Variants in SYNDIG1L observed in about 807,000 individuals in gnomAD.
SYNDIG1L encodes synapse differentiation inducing 1 like, also known as synapse differentiation-inducing gene protein 1-like.
SYNDIG1L carries 13 observed loss-of-function variants against 20.1 expected under a neutral mutation model. The ratio of observed to expected loss-of-function variants is 0.65; its 90% CI spans 0.42 to 1.03. The LOEUF (loss-of-function observed/expected upper bound fraction) is 1.03, where lower values mean the gene tolerates loss of function less well. Among genes scored for constraint, SYNDIG1L ranks in the 50% least tolerant of loss-of-function variants. The pLI, the probability that SYNDIG1L is intolerant of heterozygous loss-of-function variation, is 0.00. For missense variants in SYNDIG1L, 294 were observed against 305.1 expected (o/e 0.96, Z 0.27); for synonymous variants, 128 against 129.3 (o/e 0.99, Z 0.07).
chr14:74,406,073 A>G lies in SYNDIG1L; in HGVS notation c.*1462T>C. On this transcript the variant is annotated 3_prime_UTR_variant, in exon 4 of 4. Transcript: ENST00000331628. ...CTCTGGATGGGGCATGGGAATGACC[A>G]GGTTCCCACATCATGCACAGCAGGG... 2 of 398,684 alleles carry G rather than the reference A, an allele frequency of 5.0e-6. No homozygotes were observed. Among genetic ancestry groups the G allele is most frequent in the Non-Finnish European group, 8.8e-6 (2 of 226,110 alleles). 24.7% of individuals were successfully genotyped at this position (398,684 alleles called of 1,614,324 possible). A position where few individuals can be genotyped will look rare whatever the true frequency, so the allele number is the denominator to read the frequency against.
intron 1 of SYNDIG1L, among the ~76,000 whole-genome samples, chr14:74,416,537 G>A (rs956520445): frequency 9.8e-5 from 15 of 152,294 alleles, no homozygotes; most frequent in Middle Eastern, 6.8e-3. Context: ...GGGAGGCCGA[G>A]GCGGGAGGAT....
intron 1 of SYNDIG1L, among the ~76,000 whole-genome samples, chr14:74,415,686 T>C (rs1229186634): frequency 6.6e-6 from 1 of 152,036 alleles, no homozygotes; most frequent in South Asian, 2.1e-4. Context: ...ACTATAGGCA[T>C]GTACCACCAC....
chr14:74,438,925 C>T, the SYNDIG1L span, among the ~76,000 whole-genome samples: 1 of 152,032 alleles, frequency 6.6e-6, no homozygotes, highest in Non-Finnish European at 1.5e-5. Flanking sequence ...CCAGCCTGGC[C>T]AATATCATGA....
chr14:74,429,367 G>T (rs113179974), upstream of SYNDIG1L, among the ~76,000 whole-genome samples: 4 of 152,202 alleles, frequency 2.6e-5, no homozygotes, highest in African/African-American at 9.7e-5. Flanking sequence ...AGTCAGCTCC[G>T]GCTGCTAATC....
At chr14:74,464,725 C>T in the SYNDIG1L span, among the ~76,000 whole-genome samples, 19 of 152,106 alleles carry the variant, frequency 1.2e-4, no homozygotes, top group Admixed American at 3.9e-4. Context: ...CCCTGTCCCT[C>T]GGTTTCCTCC....
the SYNDIG1L span, among the ~76,000 whole-genome samples, chr14:74,475,284 T>G: frequency 5.3e-5 from 8 of 151,462 alleles, no homozygotes; most frequent in African/African-American, 1.7e-4. Context: ...CTGAGCACTT[T>G]GCATCCCCCA....
At chr14:74,454,605 C>T in the SYNDIG1L span, among the ~76,000 whole-genome samples, 590 of 152,314 alleles carry the variant, frequency 3.9e-3, 1 homozygote, top group Admixed American at 6.3e-3. Context: ...TTATTGTTCC[C>T]CTTTCAGGGA....
rs779184482 is a variant in SYNDIG1L at position 74,407,615 on chromosome 14, C to A, written c.637G>T (p.Ala213Ser). ...SRRALFLATLAIAVGAGLYVA... is the reference protein window; with the variant it reads ...SRRALFLATLSIAVGAGLYVA... ...TAGAGACCGGCCCCCACGGCGATGG[C>A]GAGTGTGGCTAGGAAGAGGGCCCGG... The change falls in exon 4 of 4, where the codon GCC becomes TCC. Residue 213 changes from alanine to serine, a missense_variant. Coordinates refer to ENST00000331628, the MANE Select transcript of SYNDIG1L (RefSeq NM_001105579.2). The A allele has an allele frequency of 6.2e-7, 1 of 1,614,002 alleles. No homozygotes were observed.
the SYNDIG1L span, among the ~76,000 whole-genome samples, chr14:74,464,558 A>G: frequency 6.6e-6 from 1 of 152,150 alleles, no homozygotes. Flanking sequence ...CATTATCCCC[A>G]GAGGCAGCTT....
At chr14:74,421,776 A>C (rs759183784) in intron 1 of SYNDIG1L, among the ~76,000 whole-genome samples, 1 of 152,204 alleles carries the variant, frequency 6.6e-6, no homozygotes, top group Non-Finnish European at 1.5e-5. Context: ...GAGAGAACAG[A>C]AAAGGAGAGG....
At chr14:74,450,082 C>T in the SYNDIG1L span, among the ~76,000 whole-genome samples, 1 of 152,064 alleles carries the variant, frequency 6.6e-6, no homozygotes, top group South Asian at 2.1e-4. Context: ...AAGAAATACT[C>T]TGAATAATGT....
chr14:74,407,545 C>A lies in SYNDIG1L; in HGVS notation c.707G>T (p.Gly236Val). Residue 236 changes from glycine to valine, a missense_variant, in exon 4 of 4, where the codon GGT (glycine) becomes GTT (valine). Coordinates refer to ENST00000331628, the MANE Select transcript of SYNDIG1L (RefSeq NM_001105579.2). Reference protein sequence around the residue: ...VALAAYMSQNGHG With the variant: ...VALAAYMSQNVHG The stretch of plus-strand genomic sequence containing the variant: ...AGGCCCTACTGGCTACTAGCCATGA[C>A]CGTTCTGGGACATGTAAGCTGCCAG... 1 of 1,613,864 alleles carries A rather than the reference C, an allele frequency of 6.2e-7. No individual in the cohort carries two copies. The highest frequency in any genetic ancestry group is 1.3e-5 in the African/African-American group (1 of 75,050).
the SYNDIG1L span, among the ~76,000 whole-genome samples, chr14:74,467,918 T>C: frequency 0.24 from 35,776 of 151,136 alleles, 4,756 homozygotes; most frequent in African/African-American, 0.36. Context: ...CAGGACCCCA[T>C]GGCACAGCAG....
chr14:74,470,184 A>G, the SYNDIG1L span, among the ~76,000 whole-genome samples: 1 of 152,108 alleles, frequency 6.6e-6, no homozygotes, highest in Non-Finnish European at 1.5e-5. Flanking sequence ...TTTTTAAAAA[A>G]AAAAAAAATT....
the SYNDIG1L span, among the ~76,000 whole-genome samples, chr14:74,477,039 A>AAC: frequency 0.014 from 1,383 of 96,622 alleles, 38 homozygotes; most frequent in East Asian, 0.022. Flanking sequence ...CCCCATTCCC[A>AAC]ACACACACAC....
upstream of SYNDIG1L, among the ~76,000 whole-genome samples, chr14:74,428,457 A>T (rs150026731): frequency 9.8e-5 from 15 of 152,326 alleles, no homozygotes; most frequent in African/African-American, 3.6e-4. Context: ...CCTCTGTTAG[A>T]CACCAAGAAT....
At chr14:74,410,989 G>A (rs1237952026) in intron 1 of SYNDIG1L, among the ~76,000 whole-genome samples, 3 of 152,188 alleles carry the variant, frequency 2.0e-5, no homozygotes, top group Admixed American at 2.0e-4. Context: ...TGAGCACCTG[G>A]GAAGCCATAA....
At chr14:74,454,259 A>T in the SYNDIG1L span, among the ~76,000 whole-genome samples, 1 of 152,164 alleles carries the variant, frequency 6.6e-6, no homozygotes. Flanking sequence ...TTTACTTCAT[A>T]TTTTTCTTTA....
At chr14:74,413,601 ATT>A (rs201914438) in intron 1 of SYNDIG1L, among the ~76,000 whole-genome samples, 3,012 of 147,062 alleles carry the variant, frequency 0.02, 95 homozygotes, top group African/African-American at 0.07. Context: ...TGTTTTCCAC[ATT>A]TTTTTTTTTT....
Sources: allele counts gnomAD v4.1 joint callset (sites outside exome capture counted in the v4.1 genomes callset), GRCh38; gene constraint gnomAD v4.1.1; transcripts MANE v1.5; gene names NCBI Gene and HGNC (gene_info 2026-07-23, HGNC 2026-07-21).